Variants in WWOX observed in about 807,000 individuals in gnomAD.
The protein encoded by WWOX is WW domain-containing oxidoreductase.
A neutral mutation model predicts 46.2 loss-of-function variants in WWOX; 69 were observed. The observed-to-expected ratio is 1.49, with a 90% CI of 1.23 to 1.82. The LOEUF (loss-of-function observed/expected upper bound fraction) is 1.82. Among genes scored for constraint, WWOX ranks in the 40% most tolerant of loss-of-function variants. WWOX has a pLI of 0.00. For synonymous variants in WWOX, 359 were observed against 202.6 expected, an observed-to-expected ratio of 1.77 and a Z score of -6.56; for missense variants, 919 against 542.6, an observed-to-expected ratio of 1.69 and a Z score of -6.89.
chr16:78,323,348 GT>G (rs2080532018), intron 5 of WWOX, among the ~76,000 whole-genome samples: 1 of 152,080 alleles, frequency 6.6e-6, no homozygotes, highest in Admixed American at 6.5e-5. Context: ...CTCATGATCT[GT>G]CAGCCTCAGC....
chr16:78,753,850 ATATATGTATATG>A (rs61569394), intron 8 of WWOX, among the ~76,000 whole-genome samples: 7 of 87,326 alleles, frequency 8.0e-5, no homozygotes, highest in Admixed American at 1.3e-4. Context: ...ATATATATAT[ATATATGTATATG>A]TATATGTATA....
intron 8 of WWOX, among the ~76,000 whole-genome samples, chr16:78,738,842 GTAGA>G (rs1278038307): frequency 5.9e-5 from 9 of 152,160 alleles, no homozygotes; most frequent in Non-Finnish European, 8.8e-5. Context: ...GAGGTAGGAG[GTAGA>G]TAGAGATTGT....
chr16:78,624,946 A>G (rs1320011716), intron 8 of WWOX, among the ~76,000 whole-genome samples: 2 of 152,172 alleles, frequency 1.3e-5, no homozygotes, highest in South Asian at 2.1e-4. Context: ...CCTAAAGGGT[A>G]AGAACATCAT....
intron 5 of WWOX, among the ~76,000 whole-genome samples, chr16:78,375,975 C>T (rs1169415335): frequency 6.6e-6 from 1 of 151,760 alleles, no homozygotes. Flanking sequence ...CTCAGCCTTC[C>T]AATTAGCGGG....
chr16:78,291,707 C>G (rs990746179), intron 5 of WWOX, among the ~76,000 whole-genome samples: 1 of 151,846 alleles, frequency 6.6e-6, no homozygotes, highest in Non-Finnish European at 1.5e-5. Flanking sequence ...TACACAACGG[C>G]TGTAAAAAAT....
intron 8 of WWOX, among the ~76,000 whole-genome samples, chr16:78,784,768 G>A (rs2050413941): frequency 1.3e-5 from 2 of 152,138 alleles, no homozygotes; most frequent in East Asian, 1.9e-4. Context: ...CACAGTGACT[G>A]CAAGGTCAGC....
At chr16:78,406,419 C>G (rs1187603290) in intron 6 of WWOX, among the ~76,000 whole-genome samples, 4 of 144,892 alleles carry the variant, frequency 2.8e-5, no homozygotes, top group African/African-American at 5.0e-5. Flanking sequence ...GTGGTGCAAT[C>G]TCGGCTCACT....
At chr16:78,847,433 T>C (rs2052328681) in intron 8 of WWOX, among the ~76,000 whole-genome samples, 3 of 152,202 alleles carry the variant, frequency 2.0e-5, no homozygotes, top group Admixed American at 2.0e-4. Flanking sequence ...ATATGTACAC[T>C]TTAATGTGTG....
chr16:78,933,675 G>A (rs1050934772), intron 8 of WWOX, among the ~76,000 whole-genome samples: 1 of 152,104 alleles, frequency 6.6e-6, no homozygotes, highest in Non-Finnish European at 1.5e-5. Context: ...TCACAATTAC[G>A]GGGGCAGACA....
chr16:78,177,971 T>G (rs1449573187), intron 5 of WWOX, among the ~76,000 whole-genome samples: 3 of 152,214 alleles, frequency 2.0e-5, no homozygotes, highest in Admixed American at 1.3e-4. Flanking sequence ...GTTCCTGTTG[T>G]GAGGACCATT....
At chr16:78,455,818 A>T (rs1166599059) in intron 8 of WWOX, among the ~76,000 whole-genome samples, 2 of 151,022 alleles carry the variant, frequency 1.3e-5, no homozygotes, top group Admixed American at 1.3e-4. Flanking sequence ...GCCACCAAGG[A>T]CCTCATGTTA....
intron 8 of WWOX, among the ~76,000 whole-genome samples, chr16:78,434,200 A>G (rs893139806): frequency 1.3e-5 from 2 of 149,956 alleles, no homozygotes; most frequent in South Asian, 2.1e-4. Context: ...GAGTAAACAG[A>G]CATATTCCAA....
chr16:78,840,068 T>C (rs2052096912), intron 8 of WWOX, among the ~76,000 whole-genome samples: 1 of 152,228 alleles, frequency 6.6e-6, no homozygotes, highest in Admixed American at 6.5e-5. Context: ...TCAAATGAGT[T>C]AGCACATGAG....
At chr16:79,012,726 T>G (rs955499903) in intron 8 of WWOX, among the ~76,000 whole-genome samples, 7 of 152,194 alleles carry the variant, frequency 4.6e-5, no homozygotes, top group African/African-American at 1.4e-4. Context: ...GCAGGACGTA[T>G]ACGTGCCCTT....
chr16:78,991,797 G>A (rs1279570440), intron 8 of WWOX, among the ~76,000 whole-genome samples: 1 of 152,032 alleles, frequency 6.6e-6, no homozygotes, highest in Non-Finnish European at 1.5e-5. Context: ...AAGCTTTCAG[G>A]AGATCTTGGT....
intron 8 of WWOX, among the ~76,000 whole-genome samples, chr16:78,930,078 C>G (rs955537929): frequency 6.6e-6 from 1 of 152,068 alleles, no homozygotes; most frequent in Admixed American, 6.6e-5. Flanking sequence ...AGCTTCTTGC[C>G]TTCTTCACAC....
At chr16:78,636,293 C>G (rs1457932687) in intron 8 of WWOX, among the ~76,000 whole-genome samples, 1 of 152,124 alleles carries the variant, frequency 6.6e-6, no homozygotes, top group African/African-American at 2.4e-5. Context: ...ATTGCTCTAC[C>G]AGACACCTCA....
In WWOX at chr16:78,114,465, A is replaced by G. The variant is rs560268030; in HGVS notation, c.231-511A>G. Among the ~76,000 whole-genome samples, 91 of 152,342 alleles carry G rather than the reference A, an allele frequency of 6.0e-4. 1 individual carries two copies. The highest frequency in any genetic ancestry group is 1.1e-3 in the Non-Finnish European group (76 of 68,026). On this transcript the variant is annotated intron_variant, in intron 3 of 8. Coordinates refer to ENST00000566780, the MANE Select transcript of WWOX (RefSeq NM_016373.4). ...ATTCCAAATCAAAATGAGTGCTCGT[A>G]GGAGGTATGAGTGCAGAGTCTTAAA...
chr16:78,411,886 A>C (rs1442966430), intron 6 of WWOX, among the ~76,000 whole-genome samples: 1 of 152,190 alleles, frequency 6.6e-6, no homozygotes, highest in Non-Finnish European at 1.5e-5. Flanking sequence ...CTGTTCCCAG[A>C]GGAGAGCGGA....
Sources: allele counts gnomAD v4.1 joint callset (sites outside exome capture counted in the v4.1 genomes callset), GRCh38; gene constraint gnomAD v4.1.1; transcripts MANE v1.5; gene names NCBI Gene and HGNC (gene_info 2026-07-23, HGNC 2026-07-21).